Variants in SRP19 observed in about 807,000 individuals in gnomAD.
The protein encoded by SRP19 is signal recognition particle 19, also known as signal recognition particle 19 kDa protein.
SRP19 carries 11 observed loss-of-function variants against 22.4 expected under a neutral mutation model. The ratio of observed to expected loss-of-function variants is 0.49; its 90% CI spans 0.31 to 0.81. The LOEUF (loss-of-function observed/expected upper bound fraction) is 0.81, where lower values mean the gene tolerates loss of function less well. Among genes scored for constraint, SRP19 ranks in the 40% least tolerant of loss-of-function variants. The pLI, the probability that SRP19 is intolerant of heterozygous loss-of-function variation, is 0.05. For synonymous variants in SRP19, 61 were observed against 57.6 expected, an observed-to-expected ratio of 1.06 and a Z score of -0.27; for missense variants, 168 against 175.9, an observed-to-expected ratio of 0.96 and a Z score of 0.25.
intron 4 of SRP19, among the ~76,000 whole-genome samples, chr5:112,891,361 C>T (rs1463484704): frequency 1.3e-5 from 2 of 152,142 alleles, no homozygotes; most frequent in Admixed American, 1.3e-4. Context: ...GAGTGAGCCA[C>T]CGCACCTGGC....
At chr5:112,883,176 A>G (rs905774815) in intron 4 of SRP19, among the ~76,000 whole-genome samples, 15 of 152,266 alleles carry the variant, frequency 9.9e-5, no homozygotes, top group African/African-American at 3.6e-4. Flanking sequence ...TTCCAGTTAT[A>G]GCCCCATTCT....
rs751281916 is a variant in SRP19 at position 112,892,468 on chromosome 5, G to A, written c.*861G>A. ...ACCTCACCTGAGGGGCAATGTATAT[G>A]TTCAGTACCAGTCGGAAGAAGAATG... On this transcript the variant is annotated 3_prime_UTR_variant, in exon 5 of 5. Coordinates refer to the SRP19 transcript ENST00000391338. 9.9e-6 allele frequency: 16 copies of A among 1,614,148 alleles called. No individual in the cohort carries two copies. In the South Asian group the frequency reaches 1.8e-4, roughly 18 times the overall value.
At chr5:112,864,985 A>G (rs1462170523) in intron 4 of SRP19, 2 of 303,464 alleles carry the variant, frequency 6.6e-6, no homozygotes, top group Non-Finnish European at 1.2e-5. Context: ...AACCTCTGGA[A>G]GTCTGTCATT....
chr5:112,873,866 T>A (rs1767837097), downstream of SRP19, among the ~76,000 whole-genome samples: 1 of 152,060 alleles, frequency 6.6e-6, no homozygotes, highest in African/African-American at 2.4e-5. Context: ...AAAGGTTGAT[T>A]ATAAGTTGAG....
exon 5 of SRP19, chr5:112,893,011 T>G: frequency 6.4e-7 from 1 of 1,560,154 alleles, no homozygotes; most frequent in Non-Finnish European, 8.8e-7. Flanking sequence ...TTCCTCTAGG[T>G]GCCGAAGTCG....
intron 1 of SRP19, 41 bp from the exon 2 acceptor site, chr5:112,862,467 T>A: frequency 6.3e-7 from 1 of 1,584,414 alleles, no homozygotes; most frequent in Non-Finnish European, 8.7e-7. Flanking sequence ...TCCTGCCTCT[T>A]ACTGCTCTAG....
intron 4 of SRP19, among the ~76,000 whole-genome samples, chr5:112,891,147 A>G (rs1768432029): frequency 7.0e-6 from 1 of 142,160 alleles, no homozygotes. Context: ...GTCTTGGCTC[A>G]CTGCAACCTC....
intron 4 of SRP19, among the ~76,000 whole-genome samples, chr5:112,876,017 G>C (rs1580722541): frequency 2.1e-5 from 3 of 144,956 alleles, no homozygotes; most frequent in East Asian, 4.3e-4. Flanking sequence ...CTGGGTGACA[G>C]AGCAAGACTC....
chr5:112,892,336 A>G (rs750418854), exon 5 of SRP19: 7 of 1,614,066 alleles, frequency 4.3e-6, no homozygotes, highest in Non-Finnish European at 5.1e-6. Context: ...CCTGGAGTAC[A>G]GCGAGGAAGA....
chr5:112,888,508 G>T (rs376637181), intron 4 of SRP19, among the ~76,000 whole-genome samples: 1 of 152,130 alleles, frequency 6.6e-6, no homozygotes, highest in Non-Finnish European at 1.5e-5. Flanking sequence ...CTGCAGCCTT[G>T]AACTCCTGGG....
intron 4 of SRP19, chr5:112,885,090 A>T (rs981869394): frequency 6.4e-6 from 1 of 157,476 alleles, no homozygotes; most frequent in African/African-American, 2.4e-5. Context: ...GCTGGCCGTC[A>T]GGGCCTCCAA....
In SRP19 at chr5:112,864,744, T is replaced by C; in HGVS notation, c.301+12T>C. The C allele has an allele frequency of 6.3e-7, 1 of 1,593,960 alleles. No homozygotes were observed. The highest frequency in any genetic ancestry group is 8.6e-7 in the Non-Finnish European group (1 of 1,165,856). On this transcript the variant is annotated intron_variant, in intron 4 of 4. Coordinates refer to ENST00000505459, the MANE Select transcript of SRP19 (RefSeq NM_003135.3). ...ACAGTTCCCATCACGTAAGCTTGTT[T>C]AAATGAATCAGTGGGGCTCAGGGAT...
intron 1 of SRP19, among the ~76,000 whole-genome samples, chr5:112,862,049 G>C (rs1240334678): frequency 6.6e-6 from 1 of 152,182 alleles, no homozygotes; most frequent in Non-Finnish European, 1.5e-5. Flanking sequence ...CTTGTTATCT[G>C]TTGAGTGTAG....
downstream of SRP19, among the ~76,000 whole-genome samples, chr5:112,873,033 T>C (rs1001922335): frequency 6.6e-6 from 1 of 151,816 alleles, no homozygotes; most frequent in African/African-American, 2.4e-5. Flanking sequence ...TAGTTTATTA[T>C]CATGATCCTG....
At chr5:112,891,937 G>T (rs758011778) in exon 5 of SRP19, 45 of 1,241,022 alleles carry the variant, frequency 3.6e-5, no homozygotes, top group Non-Finnish European at 5.0e-5. Flanking sequence ...AAAGGAAGAG[G>T]CGGCTAAAAA....
intron 1 of SRP19, 60 bp from the exon 2 acceptor site, chr5:112,862,448 A>G: frequency 6.7e-7 from 1 of 1,494,626 alleles, no homozygotes; most frequent in Non-Finnish European, 9.3e-7. Context: ...CTGCCACCCG[A>G]CCCTTTTCTC....
chr5:112,891,697 A>T lies in SRP19; in HGVS notation c.*90A>T, dbSNP rs778696042. 21 of 1,614,012 alleles carry T rather than the reference A, an allele frequency of 1.3e-5. No individual in the cohort carries two copies. In the Admixed American group the frequency reaches 3.5e-4, roughly 27 times the overall value. On this transcript the variant is annotated 3_prime_UTR_variant, in exon 5 of 5. Coordinates refer to the SRP19 transcript ENST00000391338. Reference sequence around the variant, plus strand: ...GAAGATGACATTTCCAGAGAAACCAAGCCACAAAAAGTACAGGGCCGCCCT... The same window carrying T: ...GAAGATGACATTTCCAGAGAAACCATGCCACAAAAAGTACAGGGCCGCCCT...
chr5:112,897,346 T>G (rs1580743917), downstream of SRP19: 1 of 116,818 alleles, frequency 8.6e-6, no homozygotes, highest in Admixed American at 9.3e-5. Flanking sequence ...ATAAAACACA[T>G]CCCATCACAC....
chr5:112,872,601 T>C (rs1309017621), downstream of SRP19, among the ~76,000 whole-genome samples: 1 of 152,154 alleles, frequency 6.6e-6, no homozygotes, highest in Admixed American at 6.5e-5. Context: ...AGTGCTGGGA[T>C]TAGGTGTGAG....
Sources: allele counts gnomAD v4.1 joint callset (sites outside exome capture counted in the v4.1 genomes callset), GRCh38; gene constraint gnomAD v4.1.1; transcripts MANE v1.5; gene names NCBI Gene and HGNC (gene_info 2026-07-23, HGNC 2026-07-21).